SYTL2: variants seen among roughly 807,000 people sequenced by gnomAD.
The protein encoded by SYTL2 is synaptotagmin like 2.
Under a neutral mutation model 198.7 loss-of-function variants are expected in SYTL2, and 165 were observed. The observed-to-expected ratio is 0.83, with a 90% CI of 0.73 to 0.94. The LOEUF (loss-of-function observed/expected upper bound fraction) is 0.94, where lower values mean the gene tolerates loss of function less well. Among genes scored for constraint, SYTL2 ranks in the 40% least tolerant of loss-of-function variants. The pLI, the probability that SYTL2 is intolerant of heterozygous loss-of-function variation, is 0.00. For synonymous variants in SYTL2, 966 were observed against 917.7 expected (o/e 1.05, Z -0.95); for missense variants, 2,835 against 2,582.8 (o/e 1.10, Z -2.12).
chr11:85,719,149 C>T, intron 9 of SYTL2: 14 of 1,401,772 alleles, frequency 1.0e-5, no homozygotes, highest in Non-Finnish European at 1.1e-5. Flanking sequence ...GGGGCTGCAA[C>T]AGCCTCTCTA....
chr11:85,765,271 C>T (rs1007894766), intron 1 of SYTL2, among the ~76,000 whole-genome samples: 3 of 152,210 alleles, frequency 2.0e-5, no homozygotes, highest in African/African-American at 7.2e-5. Context: ...GAGTCTCGCC[C>T]TGTCACCCAC....
the SYTL2 span, among the ~76,000 whole-genome samples, chr11:85,825,877 G>A: frequency 6.6e-6 from 1 of 152,166 alleles, no homozygotes; most frequent in African/African-American, 2.4e-5. Flanking sequence ...GGGATCTTGT[G>A]AGAATTAAGC....
At chr11:85,811,469 G>A (rs2093032870), upstream of SYTL2, among the ~76,000 whole-genome samples, 1 of 152,144 alleles carries the variant, frequency 6.6e-6, no homozygotes, top group Non-Finnish European at 1.5e-5. Flanking sequence ...GCGCGTTAGG[G>A]GGCCTTGGAG....
chr11:85,844,113 A>G, the SYTL2 span, among the ~76,000 whole-genome samples: 3 of 152,342 alleles, frequency 2.0e-5, no homozygotes, highest in South Asian at 6.2e-4. Flanking sequence ...CTTCACTTGG[A>G]CAGCCTCCTC....
At chr11:85,841,058 CAT>C in the SYTL2 span, among the ~76,000 whole-genome samples, 1 of 152,116 alleles carries the variant, frequency 6.6e-6, no homozygotes, top group Non-Finnish European at 1.5e-5. Flanking sequence ...AGAAGACAGA[CAT>C]GTGGCCAATA....
Position 85,696,306 on chromosome 11 carries a change from T to A in SYTL2, c.6451A>T (p.Thr2151Ser). ...GGCCTGAACCCATCATACACCATAGTGTGGTTGAAGATAGGGTTGGTGGTT... is the reference window on the plus strand; with the variant it reads ...GGCCTGAACCCATCATACACCATAGAGTGGTTGAAGATAGGGTTGGTGGTT... ...GKTTNPIFNHTMVYDGFRPED... is the reference protein window; with the variant it reads ...GKTTNPIFNHSMVYDGFRPED... Residue 2151 changes from threonine (T) to serine (S), a missense_variant, in exon 19 of 20, where the codon ACT becomes TCT. Transcript: ENST00000359152. The A allele has an allele frequency of 6.2e-7, 1 of 1,613,948 alleles. No homozygotes were observed. The highest frequency in any genetic ancestry group is 8.5e-7 in the Non-Finnish European group (1 of 1,179,890).
At chr11:85,744,922 A>G (rs538576026) in intron 4 of SYTL2, among the ~76,000 whole-genome samples, 3 of 152,352 alleles carry the variant, frequency 2.0e-5, no homozygotes, top group African/African-American at 7.2e-5. Flanking sequence ...AATTGGCTGC[A>G]TCTCAGCAAA....
chr11:85,709,317 T>C lies in SYTL2; in HGVS notation c.5915+14A>G, dbSNP rs2085828060. 3 of 1,613,602 alleles carry C rather than the reference T, an allele frequency of 1.9e-6. No homozygotes were observed. Among genetic ancestry groups the C allele is most frequent in the Non-Finnish European group, 2.5e-6 (3 of 1,179,630 alleles). The stretch of plus-strand genomic sequence containing the variant: ...AGAACTAAGAGAAGGTAGGTGACTC[T>C]AAAATGTACTTACGGGTCTGAACGC... On this transcript the variant is annotated intron_variant, in intron 14 of 19. Transcript: ENST00000359152.
chr11:85,770,994 T>TA (rs1361852954), intron 1 of SYTL2, among the ~76,000 whole-genome samples: 10 of 152,240 alleles, frequency 6.6e-5, no homozygotes, highest in Non-Finnish European at 1.2e-4. Context: ...ATACCTATCT[T>TA]ACTGAGTTGT....
At position 85,726,772 on chromosome 11, in the gene SYTL2, A is replaced by G. The variant is rs1051016649; in HGVS notation, c.2586T>C (p.Asp862=). 2 of 1,536,060 alleles carry G rather than the reference A, an allele frequency of 1.3e-6. No homozygotes were observed. Among genetic ancestry groups the G allele is most frequent in the Admixed American group, 3.9e-5 (2 of 50,986 alleles). The change falls in exon 8 of 20, where the codon GAT becomes GAC. Residue 862 remains aspartate (D), a synonymous_variant. Coordinates refer to ENST00000359152, the MANE Select transcript of SYTL2 (RefSeq NM_206927.4). ...AIPKRVVLDE[D]DQASQLSNSY... ...AATTGGAGAGCTGGGATGCTTGATC[A>G]TCCTCATCTAAGACCACTCGTTTGG...
chr11:85,708,843 T>TTC (rs2085707585), intron 14 of SYTL2, among the ~76,000 whole-genome samples: 1 of 125,822 alleles, frequency 7.9e-6, no homozygotes, highest in African/African-American at 3.2e-5. Flanking sequence ...TGTGATTTTT[T>TTC]TTTTTTTTTT....
chr11:85,849,539 A>G, the SYTL2 span, among the ~76,000 whole-genome samples: 1 of 152,194 alleles, frequency 6.6e-6, no homozygotes, highest in Non-Finnish European at 1.5e-5. Context: ...ACCATTAAAT[A>G]GGGAATCCTT....
At chr11:85,793,664 T>C (rs1412461247) in intron 1 of SYTL2, among the ~76,000 whole-genome samples, 1 of 152,226 alleles carries the variant, frequency 6.6e-6, no homozygotes, top group Non-Finnish European at 1.5e-5. Flanking sequence ...ATGAAGGACA[T>C]GCTCTCAACA....
At chr11:85,800,890 C>T (rs1030780148) in intron 1 of SYTL2, among the ~76,000 whole-genome samples, 1 of 152,198 alleles carries the variant, frequency 6.6e-6, no homozygotes, top group Non-Finnish European at 1.5e-5. Flanking sequence ...CACATTGAGG[C>T]ACCTCTAGTA....
At chr11:85,729,847 T>C (rs186111918) in intron 7 of SYTL2, among the ~76,000 whole-genome samples, 1 of 152,148 alleles carries the variant, frequency 6.6e-6, no homozygotes, top group Admixed American at 6.5e-5. Context: ...GATAGACCAT[T>C]AGCCAGACTA....
At position 85,704,952 on chromosome 11, in the gene SYTL2, T is replaced by A. The variant is rs377109375; in HGVS notation, c.6095A>T (p.Asn2032Ile). Residue 2032 changes from asparagine (N) to isoleucine (I), a missense_variant, in exon 16 of 20, where the codon AAT becomes ATT. Physicochemically the swap from Asn to Ile is moderately radical, Grantham distance 149. Coordinates refer to ENST00000359152, the MANE Select transcript of SYTL2 (RefSeq NM_206927.4). ...AAGTTCCACCTCCCCTAGGAAACTA[T>A]TGCGCTTAAATGTATCCCGATGCCA... is the stretch of plus-strand genomic sequence containing the variant. ...SIWHRDTFKRNSFLGEVELDL... is the reference protein window; with the variant it reads ...SIWHRDTFKRISFLGEVELDL... 1 of 1,613,856 alleles carries A rather than the reference T, an allele frequency of 6.2e-7. No homozygotes were observed. The highest frequency in any genetic ancestry group is 1.1e-5 in the South Asian group (1 of 91,040).
upstream of SYTL2, among the ~76,000 whole-genome samples, chr11:85,811,477 G>T (rs1398704435): frequency 6.6e-6 from 1 of 152,162 alleles, no homozygotes; most frequent in East Asian, 1.9e-4. Flanking sequence ...GGGGGCCTTG[G>T]AGCCCGAGAG....
At chr11:85,815,527 T>C (rs1017359936), upstream of SYTL2, among the ~76,000 whole-genome samples, 11 of 152,260 alleles carry the variant, frequency 7.2e-5, no homozygotes, top group African/African-American at 2.7e-4. Context: ...CAGTCTTTAA[T>C]AATGCCTTGA....
rs148645111 is a variant in SYTL2 at position 85,727,241 on chromosome 11, T to C, written c.2117A>G (p.Asn706Ser). The C allele has an allele frequency of 6.0e-5, 92 of 1,535,938 alleles. No homozygotes were observed. The African/African-American group carries it at 1.1e-3, about 19-fold the overall frequency. Residue 706 changes from asparagine (N) to serine (S), a missense_variant, in exon 8 of 20, where the codon AAT becomes AGT. Physicochemically the swap from Asn to Ser is conservative, Grantham distance 46 (BLOSUM62 1). Coordinates refer to ENST00000359152, the MANE Select transcript of SYTL2 (RefSeq NM_206927.4). ...EEPKFHAHEE[N>S]RGHSEVNFDS... ...AAAATTCACTTCTGAGTGTCCTCTA[T>C]TTTCTTCATGAGCATGAAACTTGGG... is the stretch of plus-strand genomic sequence containing the variant.
Sources: allele counts gnomAD v4.1 joint callset (sites outside exome capture counted in the v4.1 genomes callset), GRCh38; gene constraint gnomAD v4.1.1; transcripts MANE v1.5; gene names NCBI Gene and HGNC (gene_info 2026-07-23, HGNC 2026-07-21).